NCOA1: variants seen among roughly 807,000 people sequenced by gnomAD.
The protein encoded by NCOA1 is Hin-2 protein.
NCOA1 carries 35 observed loss-of-function variants against 150.9 expected under a neutral mutation model. That is an observed-to-expected ratio of 0.23 (90% CI 0.18 to 0.31). NCOA1 has a LOEUF of 0.31. Among genes scored for constraint, NCOA1 ranks in the 10% least tolerant of loss-of-function variants. NCOA1 has a pLI of 1.00. For missense variants in NCOA1, 1,491 were observed against 1,749.3 expected (o/e 0.85, Z 2.63); for synonymous variants, 590 against 630.0 (o/e 0.94, Z 0.95).
chr2:24,594,878 T>C (rs1667824971), intron 3 of NCOA1, among the ~76,000 whole-genome samples: 1 of 152,130 alleles, frequency 6.6e-6, no homozygotes, highest in Non-Finnish European at 1.5e-5. Flanking sequence ...TGTTTAATCT[T>C]TCAGAAATTT....
intron 5 of NCOA1, among the ~76,000 whole-genome samples, chr2:24,659,861 A>G (rs1357350501): frequency 6.6e-6 from 1 of 152,134 alleles, no homozygotes; most frequent in African/African-American, 2.4e-5. Flanking sequence ...GTCTCCAAAC[A>G]TTGCCAAATG....
chr2:24,634,907 G>T (rs1460566791), intron 3 of NCOA1, among the ~76,000 whole-genome samples: 3 of 151,932 alleles, frequency 2.0e-5, no homozygotes, highest in Admixed American at 1.3e-4. Context: ...TGTAGAGACG[G>T]GGCCTCACTT....
intron 8 of NCOA1, among the ~76,000 whole-genome samples, chr2:24,689,507 C>T (rs1370881935): frequency 1.3e-5 from 2 of 151,978 alleles, no homozygotes; most frequent in Non-Finnish European, 2.9e-5. Flanking sequence ...CTCCCAGGCT[C>T]CCAAGTAGCT....
intron 22 of NCOA1, chr2:24,767,850 GT>G: frequency 2.1e-6 from 1 of 481,010 alleles, no homozygotes. Flanking sequence ...CCATAGAATG[GT>G]TTTAAACCAG....
At chr2:24,639,757 G>A (rs1336508810) in intron 3 of NCOA1, among the ~76,000 whole-genome samples, 1 of 150,986 alleles carries the variant, frequency 6.6e-6, no homozygotes, top group Admixed American at 6.6e-5. Flanking sequence ...GCATGGTGGT[G>A]GGCATCTGTA....
intron 17 of NCOA1, among the ~76,000 whole-genome samples, chr2:24,736,278 T>TA (rs1663299587): frequency 6.7e-6 from 1 of 150,102 alleles, no homozygotes; most frequent in African/African-American, 2.4e-5. Context: ...TGACAAAAGA[T>TA]ACGATTTTTC....
chr2:24,537,576 G>A lies in NCOA1; in HGVS notation c.-395-26719G>A, dbSNP rs950617769. On this transcript the variant is annotated intron_variant, in intron 1 of 22. Coordinates refer to ENST00000348332, the MANE Select transcript of NCOA1 (RefSeq NM_003743.5). ...ACTGGTTACCACAGGTGGGATGTTG[G>A]GGAGAAAGGTGAGGAAATGGGGATA... Among the ~76,000 whole-genome samples the A allele has an allele frequency of 3.8e-4, 57 of 151,850 alleles. 1 individual carries two copies. Among genetic ancestry groups the A allele is most frequent in the African/African-American group, 1.1e-3 (46 of 41,324 alleles).
At chr2:24,492,965 C>CAAAA (rs10630950) in intron 1 of NCOA1, among the ~76,000 whole-genome samples, 226 of 145,108 alleles carry the variant, frequency 1.6e-3, no homozygotes, top group Middle Eastern at 3.6e-3. Context: ...AGGCTAGTCT[C>CAAAA]AAAAAAAAAG....
In NCOA1 at chr2:24,636,239, A is replaced by G. The variant is rs370840853; in HGVS notation, c.-174-7727A>G. 4.6e-5 allele frequency among the ~76,000 whole-genome samples: 7 copies of G among 152,294 alleles called. No individual in the cohort carries two copies. The South Asian group carries it at 8.3e-4, about 18-fold the overall frequency. Reference sequence around the variant, plus strand: ...GTCTTTAAACCCATGAACATGTTAAACCACTGTTTTTTAGATCTCTTTTTG... The same window carrying G: ...GTCTTTAAACCCATGAACATGTTAAGCCACTGTTTTTTAGATCTCTTTTTG... On this transcript the variant is annotated intron_variant, in intron 3 of 22. Coordinates refer to ENST00000348332, the MANE Select transcript of NCOA1 (RefSeq NM_003743.5).
chr2:24,718,258 C>T (rs965826497), intron 14 of NCOA1, among the ~76,000 whole-genome samples: 3 of 152,084 alleles, frequency 2.0e-5, no homozygotes, highest in African/African-American at 7.2e-5. Context: ...AGTGCAATAC[C>T]ACTGCATACC....
chr2:24,604,235 G>A (rs1176659667), intron 3 of NCOA1, among the ~76,000 whole-genome samples: 2 of 152,162 alleles, frequency 1.3e-5, no homozygotes, highest in East Asian at 1.9e-4. Flanking sequence ...TAAATTAAAC[G>A]TAATTCTTAT....
intron 1 of NCOA1, among the ~76,000 whole-genome samples, chr2:24,529,978 A>G (rs905240471): frequency 1.3e-5 from 2 of 152,248 alleles, no homozygotes; most frequent in African/African-American, 4.8e-5. Context: ...TTACAGTACA[A>G]CATACCGTGA....
intron 1 of NCOA1, among the ~76,000 whole-genome samples, chr2:24,509,260 G>A (rs889425334): frequency 2.0e-5 from 3 of 152,186 alleles, no homozygotes; most frequent in African/African-American, 7.2e-5. Flanking sequence ...ATATTAAAGT[G>A]TCCAAGGCCA....
chr2:24,571,366 G>A (rs1572433227), intron 2 of NCOA1, among the ~76,000 whole-genome samples: 1 of 152,290 alleles, frequency 6.6e-6, no homozygotes, highest in South Asian at 2.1e-4. Flanking sequence ...TCTGCTGAGT[G>A]TACTATATAG....
intron 3 of NCOA1, among the ~76,000 whole-genome samples, chr2:24,601,336 C>T (rs545811129): frequency 2.0e-5 from 3 of 152,128 alleles, no homozygotes; most frequent in African/African-American, 7.2e-5. Context: ...CTTCAGCTTT[C>T]CAAATAGCTG....
chr2:24,540,094 G>C (rs983248716), intron 1 of NCOA1, among the ~76,000 whole-genome samples: 5 of 152,112 alleles, frequency 3.3e-5, no homozygotes, highest in Non-Finnish European at 7.4e-5. Context: ...GATAAGTACT[G>C]CTCCTGAGTG....
chr2:24,764,718 T>C (rs1314348459), intron 22 of NCOA1, among the ~76,000 whole-genome samples: 1 of 152,204 alleles, frequency 6.6e-6, no homozygotes, highest in East Asian at 1.9e-4. Context: ...GGGATTTGGA[T>C]TCAACCCTAT....
chr2:24,589,646 TGTGTGTGTGTGTGTGTGTATGAAA>T lies in NCOA1; in HGVS notation c.-175+5099_-175+5122del, dbSNP rs1322299105. On this transcript the variant is annotated intron_variant, in intron 3 of 22. Coordinates refer to ENST00000348332, the MANE Select transcript of NCOA1 (RefSeq NM_003743.5). ...GAGGTTGGTGGTGTGTGTGTGTGTG[TGTGTGTGTGTGTGTGTGTATGAAA>T]GTGTGTGTGTGTTTGTGCGCACACG... is the stretch of plus-strand genomic sequence containing the variant. Among the ~76,000 whole-genome samples the T allele has an allele frequency of 7.5e-4, 113 of 150,824 alleles. 1 individual carries two copies. The highest frequency in any genetic ancestry group is 2.7e-3 in the African/African-American group (108 of 40,522).
intron 3 of NCOA1, among the ~76,000 whole-genome samples, chr2:24,619,001 T>C (rs985830632): frequency 1.3e-5 from 2 of 152,222 alleles, no homozygotes; most frequent in Non-Finnish European, 2.9e-5. Context: ...AATTTGATGT[T>C]ACTTACTACT....
Sources: allele counts gnomAD v4.1 joint callset (sites outside exome capture counted in the v4.1 genomes callset), GRCh38; gene constraint gnomAD v4.1.1; transcripts MANE v1.5; gene names NCBI Gene and HGNC (gene_info 2026-07-23, HGNC 2026-07-21).